Variants in ZNF441 observed in about 807,000 individuals in gnomAD.
ZNF441 encodes zinc finger protein 441.
Under a neutral mutation model 64.5 loss-of-function variants are expected in ZNF441, and 25 were observed. The ratio of observed to expected loss-of-function variants is 0.39; its 90% confidence interval spans 0.28 to 0.54. The LOEUF is 0.54. ZNF441 is among the 20% of genes least tolerant of loss of function. The probability of loss-of-function intolerance (pLI) is 0.70; values close to 1 mark genes in which losing one functional copy is unlikely to be tolerated. For synonymous variants in ZNF441, 262 were observed against 268.0 expected (o/e 0.98, Z 0.22); for missense variants, 715 against 843.3 (o/e 0.85, Z 1.88).
At chr19:11,778,678 C>T (rs1975373035) in intron 3 of ZNF441, among the ~76,000 whole-genome samples, 1 of 152,110 alleles carries the variant, frequency 6.6e-6, no homozygotes, top group Non-Finnish European at 1.5e-5. Context: ...GACTCATCTC[C>T]AGCTCCTGTC....
intron 1 of ZNF441, among the ~76,000 whole-genome samples, chr19:11,768,936 C>G (rs545472038): frequency 1.6e-3 from 249 of 152,276 alleles, no homozygotes; most frequent in Non-Finnish European, 2.9e-3. Context: ...GTGCAAGAAC[C>G]TGAAAAGCTA....
rs143994188 is a variant in ZNF441, at chr19:11,777,597, G to A, written c.4-14G>A. 5.0e-6 allele frequency: 8 copies of A among 1,608,354 alleles called. No individual in the cohort carries two copies. In the South Asian group the frequency reaches 7.7e-5, roughly 16 times the overall value. On this transcript the variant is annotated splice_polypyrimidine_tract_variant and intron_variant, in intron 1 of 3. Coordinates refer to ENST00000357901, the MANE Select transcript of ZNF441 (RefSeq NM_152355.3). Reference sequence around the variant, plus strand: ...GTTTTAATATTCCTCCTCTGCACATGTGAAATATTTCAGGACTCAGTGGCA... The same window carrying A: ...GTTTTAATATTCCTCCTCTGCACATATGAAATATTTCAGGACTCAGTGGCA...
chr19:11,780,273 T>G lies in ZNF441; in HGVS notation c.449T>G (p.Phe150Cys), dbSNP rs767844012. Residue 150 changes from phenylalanine to cysteine, a missense_variant, in exon 4 of 4, where the codon TTC (phenylalanine) becomes TGC (cysteine). Physicochemically the swap from Phe to Cys is radical, Grantham distance 205 (BLOSUM62 -2). This residue lies in a region of ZNF441 where 399 missense variants were observed against 413.9 expected (regional missense o/e 0.96). Transcript: ENST00000357901. ...PYTHTQCGTA[F>C]SYQPCFQIHE... ...ACACATACACAATGTGGGACAGCTT[T>G]CAGTTATCAGCCCTGCTTTCAAATA... The G allele has an allele frequency of 6.2e-7, 1 of 1,614,176 alleles. No individual in the cohort carries two copies. The highest frequency in any genetic ancestry group is 1.1e-5 in the South Asian group (1 of 91,086).
rs1266045015 is a variant in ZNF441, at chr19:11,782,149, T to G, written c.*243T>G. 2.7e-6 allele frequency: 1 copy of G among 367,882 alleles called. No homozygotes were observed. Among genetic ancestry groups the G allele is most frequent in the African/African-American group, 2.1e-5 (1 of 48,694 alleles). 22.8% of individuals were successfully genotyped at this position (367,882 alleles called of 1,614,324 possible). A position where few individuals can be genotyped will look rare whatever the true frequency, so the allele number is the denominator to read the frequency against. On this transcript the variant is annotated 3_prime_UTR_variant, in exon 4 of 4. Transcript: ENST00000357901. ...AGCAAACTTTCAAAGGTGGTTATTATAACATACTAGCAATGGACCTTACTA... is the reference window on the plus strand; with the variant it reads ...AGCAAACTTTCAAAGGTGGTTATTAGAACATACTAGCAATGGACCTTACTA...
At chr19:11,769,750 A>T (rs1467254328) in intron 1 of ZNF441, among the ~76,000 whole-genome samples, 1 of 151,922 alleles carries the variant, frequency 6.6e-6, no homozygotes, top group East Asian at 1.9e-4. Flanking sequence ...ATCTCAGCTC[A>T]CTGCAACCTC....
At chr19:11,771,613 G>A (rs1670313847) in intron 1 of ZNF441, among the ~76,000 whole-genome samples, 1 of 152,134 alleles carries the variant, frequency 6.6e-6, no homozygotes. Flanking sequence ...CGAAAAACCA[G>A]GCCATACAGA....
intron 1 of ZNF441, among the ~76,000 whole-genome samples, chr19:11,773,384 A>G (rs1975330664): frequency 1.3e-5 from 2 of 152,220 alleles, no homozygotes; most frequent in African/African-American, 4.8e-5. Context: ...ATCTTGGTAT[A>G]TACTTCATGA....
intron 1 of ZNF441, among the ~76,000 whole-genome samples, chr19:11,773,746 G>T (rs1269301956): frequency 6.6e-6 from 1 of 152,072 alleles, no homozygotes; most frequent in Non-Finnish European, 1.5e-5. Context: ...TTATTTGTCT[G>T]AATTTAGTAT....
Position 11,767,052 on chromosome 19 carries a change from A to G in ZNF441, c.-142A>G. Reference sequence around the variant, plus strand: ...GGTGCAAGGTTCAAAGAGCCCGCCGAGTCTTCTCCACGCCCCTGCACTGGG... The same window carrying G: ...GGTGCAAGGTTCAAAGAGCCCGCCGGGTCTTCTCCACGCCCCTGCACTGGG... On this transcript the variant is annotated 5_prime_UTR_variant, in exon 1 of 4. Transcript: ENST00000357901. This position sits in a 1 kb window ranked among gnomAD's most constrained non-coding sequence, Gnocchi z 5.1. The G allele has an allele frequency of 7.9e-7, 1 of 1,263,166 alleles. No homozygotes were observed. The highest frequency in any genetic ancestry group is 1.1e-6 in the Non-Finnish European group (1 of 902,882). 78.2% of individuals were successfully genotyped at this position (1,263,166 alleles called of 1,614,324 possible).
intron 1 of ZNF441, among the ~76,000 whole-genome samples, chr19:11,776,900 C>T (rs1175968405): frequency 6.6e-6 from 1 of 152,086 alleles, no homozygotes; most frequent in East Asian, 1.9e-4. Context: ...CCTTCGCCTC[C>T]CGGGTTCAAG....
Position 11,781,930 on chromosome 19 carries a change from C to A in ZNF441, c.*24C>A. The stretch of plus-strand genomic sequence containing the variant: ...AGAGAAAACCCCTATGAGTGTTGAA[C>A]ATGTGAGAAAGCCTTAAGTACTTTC... On this transcript the variant is annotated 3_prime_UTR_variant, in exon 4 of 4. Transcript: ENST00000357901. The A allele has an allele frequency of 6.6e-7, 1 of 1,525,072 alleles. No individual in the cohort carries two copies. The highest frequency in any genetic ancestry group is 8.8e-7 in the Non-Finnish European group (1 of 1,134,384). 94.5% of individuals were successfully genotyped at this position (1,525,072 alleles called of 1,614,324 possible).
rs759561971 is a variant in ZNF441 at position 11,780,647 on chromosome 19, A to G, written c.823A>G (p.Thr275Ala). ...CYTQLYERTH[T>A]GEQSYECKQC... is the part of the protein sequence containing the mutation. ...CACTCAACTATATGAAAGGACTCAC[A>G]CTGGAGAACAATCCTATGAATGTAA... The change falls in exon 4 of 4, where the codon ACT becomes GCT. Residue 275 changes from threonine to alanine, a missense_variant. Transcript: ENST00000357901. 6 of 1,614,212 alleles carry G rather than the reference A, an allele frequency of 3.7e-6. No individual in the cohort carries two copies. The East Asian group carries it at 6.7e-5, about 18-fold the overall frequency.
rs548304713 is a variant in ZNF441, at chr19:11,781,598, T to C, written c.1774T>C (p.Cys592Arg). 2 of 1,614,104 alleles carry C rather than the reference T, an allele frequency of 1.2e-6. No individual in the cohort carries two copies. The highest frequency in any genetic ancestry group is 1.3e-5 in the African/African-American group (1 of 75,042). Residue 592 changes from cysteine to arginine, a missense_variant, in exon 4 of 4, where the codon TGT becomes CGT. Physicochemically the swap from Cys to Arg is radical, Grantham distance 180 (BLOSUM62 -3). This residue lies in a region of ZNF441 where 316 missense variants were observed against 429.3 expected (regional missense o/e 0.74). Coordinates refer to ENST00000357901, the MANE Select transcript of ZNF441 (RefSeq NM_152355.3). ...AAATGGACCTCATAAATGTAAGATATGTGGGAAAGGCTTTGATTATCCCAG... is the reference window on the plus strand; with the variant it reads ...AAATGGACCTCATAAATGTAAGATACGTGGGAAAGGCTTTGATTATCCCAG... ...TGNGPHKCKI[C>R]GKGFDYPSSV...
chr19:11,777,871 C>G, intron 2 of ZNF441, 134 bp downstream of exon 2: 1 of 966,294 alleles, frequency 1.0e-6, no homozygotes, highest in Admixed American at 3.0e-5. Context: ...AGTCATACAT[C>G]TTCTCCCGCA....
intron 1 of ZNF441, among the ~76,000 whole-genome samples, chr19:11,769,512 G>A (rs886482724): frequency 1.3e-5 from 2 of 152,138 alleles, no homozygotes; most frequent in Non-Finnish European, 2.9e-5. Flanking sequence ...AAGCCTTGAT[G>A]TGTGGTAGAG....
Position 11,782,604 on chromosome 19 carries a change from G to T in ZNF441, c.*698G>T, listed in dbSNP as rs758499067. The stretch of plus-strand genomic sequence containing the variant: ...CGTGTACATGTCAGCAACAATGTCA[G>T]GATCTGTGGAGTTTGCGAGTATAAG... On this transcript the variant is annotated 3_prime_UTR_variant, in exon 4 of 4. Transcript: ENST00000357901. 1.8e-4 allele frequency: 28 copies of T among 152,194 alleles called. No individual in the cohort carries two copies. Among genetic ancestry groups the T allele is most frequent in the Non-Finnish European group, 3.7e-4 (25 of 68,030 alleles). The allele number at this position is 152,194 out of a possible 1,614,324, so 9.4% of individuals were successfully genotyped here. A position where few individuals can be genotyped will look rare whatever the true frequency, so the allele number is the denominator to read the frequency against.
rs755054303 is a variant in ZNF441, at chr19:11,780,519, C to A, written c.695C>A (p.Ala232Glu). 3 of 1,614,116 alleles carry A rather than the reference C, an allele frequency of 1.9e-6. No homozygotes were observed. In the South Asian group the frequency reaches 3.3e-5, roughly 18 times the overall value. Residue 232 changes from alanine (A) to glutamate (E), a missense_variant, in exon 4 of 4, where the codon GCG becomes GAG. Ala to Glu is a moderately radical substitution (Grantham distance 107, BLOSUM62 -1). Coordinates refer to ENST00000357901, the MANE Select transcript of ZNF441 (RefSeq NM_152355.3). ...KPYEYEQCSTAFPAYSSTLRH... is the reference protein window; with the variant it reads ...KPYEYEQCSTEFPAYSSTLRH... ...TATGAATATGAGCAGTGTTCTACAG[C>A]GTTTCCTGCTTATAGTTCCACTCTA...
chr19:11,779,932 G>A (rs1410961844), intron 3 of ZNF441, 87 bp from the exon 4 acceptor site: 3 of 1,195,994 alleles, frequency 2.5e-6, no homozygotes, highest in Non-Finnish European at 3.5e-6. Context: ...AGAAAAGAAA[G>A]AAAGAAAAGA....
chr19:11,777,128 G>A (rs1975361461), intron 1 of ZNF441, among the ~76,000 whole-genome samples: 2 of 152,138 alleles, frequency 1.3e-5, no homozygotes, highest in Non-Finnish European at 2.9e-5. Context: ...TTTTTTTCAT[G>A]GCTTAGTCTG....
Sources: gnomAD v4.1 joint callset for allele counts (sites outside exome capture counted in the v4.1 genomes callset) on GRCh38, gnomAD v4.1.1 for gene constraint, gnomAD v4.1.1 regional missense constraint, Gnocchi (gnomAD v3.1) non-coding constraint, MANE v1.5 for transcripts, NCBI Gene and HGNC (gene_info 2026-07-23, HGNC 2026-07-21) for gene names.